The following PPARGC1A variants were observed in gnomAD, a reference collection of about 807,000 sequenced individuals.
The protein encoded by PPARGC1A is peroxisome proliferator-activated receptor gamma coactivator 1-alpha.
A neutral mutation model predicts 88.7 loss-of-function variants in PPARGC1A; 25 were observed. That is an observed-to-expected ratio of 0.28 (90% CI 0.21 to 0.39). PPARGC1A has a LOEUF of 0.39. Ranked by LOEUF, PPARGC1A falls within the 10% of genes least tolerant of loss-of-function variation. The pLI is 1.00. For missense variants in PPARGC1A, 880 were observed against 968.7 expected (o/e 0.91, Z 1.22); for synonymous variants, 363 against 355.6 (o/e 1.02, Z -0.24).
the PPARGC1A span, among the ~76,000 whole-genome samples, chr4:24,005,157 C>G: frequency 6.6e-6 from 1 of 151,992 alleles, no homozygotes; most frequent in Admixed American, 6.6e-5. Flanking sequence ...AATAAAGGGT[C>G]TCGAAGCTAG....
chr4:24,002,716 A>C, the PPARGC1A span, among the ~76,000 whole-genome samples: 1 of 152,158 alleles, frequency 6.6e-6, no homozygotes, highest in South Asian at 2.1e-4. Context: ...TCTCCATGGG[A>C]ACCTCAAGAT....
chr4:24,369,646 A>G, the PPARGC1A span, among the ~76,000 whole-genome samples: 1 of 152,242 alleles, frequency 6.6e-6, no homozygotes, highest in Admixed American at 6.5e-5. Flanking sequence ...TTTTAAAAAC[A>G]TGAGAGCTGG....
upstream of PPARGC1A, among the ~76,000 whole-genome samples, chr4:23,905,563 T>C (rs759421820): frequency 6.6e-6 from 1 of 152,202 alleles, no homozygotes; most frequent in Non-Finnish European, 1.5e-5. Context: ...ATAGATTTGG[T>C]GGCTAGAATA....
intron 1 of PPARGC1A, among the ~76,000 whole-genome samples, chr4:23,896,470 C>G (rs1459153616): frequency 6.6e-6 from 1 of 152,104 alleles, no homozygotes; most frequent in Non-Finnish European, 1.5e-5. Flanking sequence ...CCAAGTCCAA[C>G]AGCTGCTCCA....
upstream of PPARGC1A, among the ~76,000 whole-genome samples, chr4:23,893,794 A>G (rs1260047802): frequency 3.9e-5 from 6 of 152,204 alleles, no homozygotes; most frequent in Admixed American, 6.5e-5. Flanking sequence ...GTTTCCATAT[A>G]CACTATTTAT....
At chr4:24,223,108 C>T in the PPARGC1A span, among the ~76,000 whole-genome samples, 1 of 151,856 alleles carries the variant, frequency 6.6e-6, no homozygotes, top group Admixed American at 6.6e-5. Context: ...TAAAATTTAC[C>T]CCTATAAATT....
chr4:23,924,785 G>T, the PPARGC1A span, among the ~76,000 whole-genome samples: 1 of 152,138 alleles, frequency 6.6e-6, no homozygotes, highest in Non-Finnish European at 1.5e-5. Context: ...CATCACCAAA[G>T]TGTGCCAGGA....
At chr4:24,445,369 C>G in the PPARGC1A span, among the ~76,000 whole-genome samples, 2 of 152,218 alleles carry the variant, frequency 1.3e-5, no homozygotes, top group South Asian at 4.1e-4. Flanking sequence ...GTCCGTAAGG[C>G]TGTGTGGATA....
At chr4:23,953,052 C>G in the PPARGC1A span, among the ~76,000 whole-genome samples, 1 of 152,012 alleles carries the variant, frequency 6.6e-6, no homozygotes, top group Non-Finnish European at 1.5e-5. Context: ...TTTGCTATAA[C>G]TTACTTAGGT....
At chr4:23,835,476 G>GTA (rs924731731) in intron 2 of PPARGC1A, among the ~76,000 whole-genome samples, 1 of 146,472 alleles carries the variant, frequency 6.8e-6, no homozygotes, top group Admixed American at 6.7e-5. Flanking sequence ...TTGTGTGTGT[G>GTA]TGTGTGTGTG....
the PPARGC1A span, among the ~76,000 whole-genome samples, chr4:24,183,297 T>C: frequency 6.6e-6 from 1 of 152,164 alleles, no homozygotes; most frequent in Non-Finnish European, 1.5e-5. Flanking sequence ...ATTTCATAGA[T>C]GAGACCACTG....
the PPARGC1A span, among the ~76,000 whole-genome samples, chr4:24,253,857 C>T: frequency 3.9e-5 from 6 of 152,290 alleles, no homozygotes; most frequent in African/African-American, 1.4e-4. Context: ...TGCATTCATT[C>T]ACTCATTTAT....
chr4:24,004,595 A>C, the PPARGC1A span, among the ~76,000 whole-genome samples: 1 of 152,212 alleles, frequency 6.6e-6, no homozygotes, highest in Non-Finnish European at 1.5e-5. Context: ...ATAAATTTCC[A>C]AGGATGTTCA....
At chr4:24,082,265 CTTTT>C in the PPARGC1A span, among the ~76,000 whole-genome samples, 1 of 152,144 alleles carries the variant, frequency 6.6e-6, no homozygotes, top group Non-Finnish European at 1.5e-5. Context: ...AGATCATATT[CTTTT>C]ATCAGGCAGT....
At chr4:24,229,338 G>A in the PPARGC1A span, among the ~76,000 whole-genome samples, 22 of 149,752 alleles carry the variant, frequency 1.5e-4, no homozygotes, top group South Asian at 1.5e-3. Flanking sequence ...TAATAGAGAC[G>A]GGGTTTCACC....
chr4:24,162,819 C>T, the PPARGC1A span, among the ~76,000 whole-genome samples: 3 of 151,822 alleles, frequency 2.0e-5, no homozygotes, highest in African/African-American at 7.3e-5. Flanking sequence ...GTCTCGCACC[C>T]CTGACCTCAG....
the PPARGC1A span, among the ~76,000 whole-genome samples, chr4:24,363,520 C>CA: frequency 6.6e-6 from 1 of 152,002 alleles, no homozygotes; most frequent in African/African-American, 2.4e-5. Flanking sequence ...CACTTAGTGC[C>CA]AAAAAACACA....
the PPARGC1A span, among the ~76,000 whole-genome samples, chr4:24,471,331 GACAC>G: frequency 1.3e-5 from 2 of 150,264 alleles, no homozygotes; most frequent in Non-Finnish European, 3.0e-5. This position sits in a 1 kb window ranked among gnomAD's most constrained non-coding sequence, Gnocchi z 5.4. Context: ...CCCACACACA[GACAC>G]ACACCCGCGT....
chr4:24,149,836 T>C, the PPARGC1A span, among the ~76,000 whole-genome samples: 5 of 152,346 alleles, frequency 3.3e-5, no homozygotes, highest in Non-Finnish European at 7.3e-5. Context: ...GGGTTCTTCC[T>C]GGCCTTAACT....
Sources: allele counts gnomAD v4.1 joint callset (sites outside exome capture counted in the v4.1 genomes callset), GRCh38; gene constraint gnomAD v4.1.1; non-coding constraint Gnocchi (gnomAD v3.1); transcripts MANE v1.5; gene names NCBI Gene and HGNC (gene_info 2026-07-23, HGNC 2026-07-21).